Variants in PCDHA7 observed in about 807,000 individuals in gnomAD.
PCDHA7 encodes protocadherin alpha 7.
In PCDHA7, 37 loss-of-function variants were observed where a neutral mutation model predicts 57.2. The observed-to-expected ratio is 0.65, with a 90% CI of 0.50 to 0.85. The LOEUF (loss-of-function observed/expected upper bound fraction) is 0.85, where lower values mean the gene tolerates loss of function less well. Ranked by LOEUF, PCDHA7 falls within the 40% of genes least tolerant of loss-of-function variation. PCDHA7 has a pLI of 0.00. For missense variants in PCDHA7, 1,188 were observed against 1,241.8 expected, an observed-to-expected ratio of 0.96 and a Z score of 0.65; for synonymous variants, 553 against 558.8, an observed-to-expected ratio of 0.99 and a Z score of 0.15.
intron 1 of PCDHA7, among the ~76,000 whole-genome samples, chr5:140,912,002 A>G (rs1452427916): frequency 6.6e-6 from 1 of 152,236 alleles, no homozygotes; most frequent in Admixed American, 6.5e-5. Context: ...ACAATAGGCC[A>G]TCTGCAAGCT....
intron 1 of PCDHA7, chr5:140,969,495 C>A: frequency 7.0e-7 from 1 of 1,437,888 alleles, no homozygotes; most frequent in South Asian, 1.5e-5. Flanking sequence ...TATTTCCTCT[C>A]TAGAAAAATA....
chr5:140,933,772 C>T, intron 1 of PCDHA7, among the ~76,000 whole-genome samples: 1 of 152,176 alleles, frequency 6.6e-6, no homozygotes, highest in African/African-American at 2.4e-5. Flanking sequence ...TCTGTACCTA[C>T]AGTTTTCTTT....
rs1290458104 is a variant in PCDHA7 at position 140,849,842 on chromosome 5, C to T, written c.2355+13104C>T. 18 of 1,598,416 alleles carry T rather than the reference C, an allele frequency of 1.1e-5. 3 individuals carry two copies. Among genetic ancestry groups the T allele is most frequent in the Admixed American group, 1.7e-5 (1 of 59,304 alleles). On this transcript the variant is annotated intron_variant, in intron 1 of 3. Coordinates refer to ENST00000525929, the MANE Select transcript of PCDHA7 (RefSeq NM_018910.3). The stretch of plus-strand genomic sequence containing the variant: ...TGTCTGTGGAGGTGGCCGACGTGAA[C>T]GACAACGCACCAGCGTTCGCGCAGT...
At chr5:140,902,038 A>G (rs900077287) in intron 1 of PCDHA7, among the ~76,000 whole-genome samples, 13 of 152,040 alleles carry the variant, frequency 8.6e-5, no homozygotes, top group African/African-American at 2.9e-4. Context: ...TAATTTTTGT[A>G]TGTTGATTTT....
chr5:140,851,536 A>C (rs1051991921), intron 1 of PCDHA7: 1 of 906,438 alleles, frequency 1.1e-6, no homozygotes, highest in African/African-American at 1.8e-5. Context: ...GACAATGTAG[A>C]TAATTCAAGA....
At chr5:140,909,484 G>A (rs981292788) in intron 1 of PCDHA7, among the ~76,000 whole-genome samples, 1 of 152,180 alleles carries the variant, frequency 6.6e-6, no homozygotes, top group African/African-American at 2.4e-5. Context: ...CTAAATAGGA[G>A]AGCTGAACGG....
intron 1 of PCDHA7, among the ~76,000 whole-genome samples, chr5:140,933,742 A>G (rs1242551337): frequency 6.6e-6 from 1 of 152,068 alleles, no homozygotes; most frequent in Non-Finnish European, 1.5e-5. Context: ...AATATTTGGT[A>G]GAATTCACTA....
At chr5:140,985,310 TG>T (rs1563522847) in intron 3 of PCDHA7, among the ~76,000 whole-genome samples, 2 of 152,196 alleles carry the variant, frequency 1.3e-5, no homozygotes, top group African/African-American at 4.8e-5. Flanking sequence ...GATAGCCTGG[TG>T]GCCAGAATTC....
rs111233751 is a variant in PCDHA7, at chr5:140,887,119, C to T, written c.2355+50381C>T. On this transcript the variant is annotated intron_variant, in intron 1 of 3. Transcript: ENST00000525929. ...TTTATCTCTTTTTTTTTTTTTGAGA[C>T]GGAGTCTCACTCTGTCGCCCAGGCT... 6.0e-3 allele frequency among the ~76,000 whole-genome samples: 904 copies of T among 149,504 alleles called. 4 individuals are homozygous for T. The highest frequency in any genetic ancestry group is 0.014 in the Middle Eastern group (4 of 294).
chr5:140,867,560 C>A (rs1352328708), intron 1 of PCDHA7: 1 of 152,070 alleles, frequency 6.6e-6, no homozygotes, highest in African/African-American at 2.4e-5. Context: ...CATATGATAA[C>A]TTTTTCATAT....
At chr5:140,864,608 T>C (rs1180007033) in intron 1 of PCDHA7, 3 of 152,188 alleles carry the variant, frequency 2.0e-5, no homozygotes, top group Non-Finnish European at 4.4e-5. Context: ...GCCAACAACT[T>C]TGTTCTTTTT....
intron 3 of PCDHA7, among the ~76,000 whole-genome samples, chr5:141,007,451 C>A (rs2098330384): frequency 6.6e-6 from 1 of 151,640 alleles, no homozygotes; most frequent in Non-Finnish European, 1.5e-5. Context: ...GCCTGTAGTC[C>A]CAGCTACTCA....
At chr5:140,986,398 G>C (rs973049448) in intron 3 of PCDHA7, among the ~76,000 whole-genome samples, 1 of 152,174 alleles carries the variant, frequency 6.6e-6, no homozygotes, top group Non-Finnish European at 1.5e-5. Context: ...AGGGCCAGTC[G>C]CTCATGTTAC....
chr5:140,851,277 A>C (rs1190417685), intron 1 of PCDHA7: 1 of 1,055,236 alleles, frequency 9.5e-7, no homozygotes, highest in East Asian at 4.9e-5. Flanking sequence ...TGTATTGTTT[A>C]TAAGAAACCC....
At chr5:140,897,872 A>G (rs1327007992) in intron 1 of PCDHA7, among the ~76,000 whole-genome samples, 1 of 152,068 alleles carries the variant, frequency 6.6e-6, no homozygotes, top group Non-Finnish European at 1.5e-5. Context: ...CTTTTTAATG[A>G]TTGCCATTCT....
intron 1 of PCDHA7, among the ~76,000 whole-genome samples, chr5:140,965,456 G>A (rs2095902676): frequency 6.6e-6 from 1 of 151,710 alleles, no homozygotes; most frequent in Admixed American, 6.6e-5. Context: ...GTTATTGTAA[G>A]ATAAATCCCA....
At chr5:140,996,296 T>C (rs1252218880) in intron 3 of PCDHA7, among the ~76,000 whole-genome samples, 1 of 152,158 alleles carries the variant, frequency 6.6e-6, no homozygotes, top group African/African-American at 2.4e-5. Context: ...GAAGCACAGA[T>C]TGTAACAAAG....
At chr5:140,906,643 G>A (rs1049197869) in intron 1 of PCDHA7, among the ~76,000 whole-genome samples, 14 of 152,222 alleles carry the variant, frequency 9.2e-5, no homozygotes, top group South Asian at 4.1e-4. Context: ...TCAGCAGGTA[G>A]TGGTTTTTTC....
chr5:140,876,069 A>G (rs1554168246), intron 1 of PCDHA7: 1 of 1,613,948 alleles, frequency 6.2e-7, no homozygotes, highest in South Asian at 1.1e-5. Flanking sequence ...TTCGGAAGTT[A>G]TTGGACAGAG....
Sources: allele counts gnomAD v4.1 joint callset (sites outside exome capture counted in the v4.1 genomes callset), GRCh38; gene constraint gnomAD v4.1.1; transcripts MANE v1.5; gene names NCBI Gene and HGNC (gene_info 2026-07-23, HGNC 2026-07-21).